Variants in FOXN3 observed in about 807,000 individuals in gnomAD.
FOXN3 encodes forkhead box protein N3.
In FOXN3, 7 loss-of-function variants were observed where a neutral mutation model predicts 38.4. The ratio of observed to expected loss-of-function variants is 0.18; its 90% CI spans 0.10 to 0.34. The LOEUF (loss-of-function observed/expected upper bound fraction) is 0.34. Among genes scored for constraint, FOXN3 ranks in the 10% least tolerant of loss-of-function variants. FOXN3 has a pLI of 1.00. For synonymous variants in FOXN3, 230 were observed against 242.2 expected (o/e 0.95, Z 0.47); for missense variants, 456 against 613.4 (o/e 0.74, Z 2.71).
At chr14:89,549,309 T>C (rs1894952582) in intron 1 of FOXN3, among the ~76,000 whole-genome samples, 1 of 150,478 alleles carries the variant, frequency 6.6e-6, no homozygotes, top group African/African-American at 2.4e-5. Flanking sequence ...TCTTTTGAAA[T>C]GTTAACTAAT....
chr14:89,458,243 G>A (rs1175062193), intron 1 of FOXN3, among the ~76,000 whole-genome samples: 1 of 152,172 alleles, frequency 6.6e-6, no homozygotes, highest in African/African-American at 2.4e-5. Context: ...GTAGTTTTCA[G>A]TGTCTCTTGT....
chr14:89,448,595 T>C lies in FOXN3; in HGVS notation c.-14-36105A>G, dbSNP rs539134968. Among the ~76,000 whole-genome samples the C allele has an allele frequency of 2.6e-5, 4 of 152,258 alleles. No individual in the cohort carries two copies. In the South Asian group the frequency reaches 8.3e-4, roughly 32 times the overall value. Reference sequence around the variant, plus strand: ...CTGGGAAATCACTGATTTTTCACAATGACCCTGTCTGACAGGGCAAAAGAT... The same window carrying C: ...CTGGGAAATCACTGATTTTTCACAACGACCCTGTCTGACAGGGCAAAAGAT... On this transcript the variant is annotated intron_variant, in intron 1 of 6. Transcript: ENST00000345097.
intron 1 of FOXN3, among the ~76,000 whole-genome samples, chr14:89,415,871 CA>C (rs1891693207): frequency 6.6e-6 from 1 of 151,528 alleles, no homozygotes; most frequent in Non-Finnish European, 1.5e-5. Flanking sequence ...CACACACACA[CA>C]CACACACACA....
At chr14:89,308,559 C>G (rs1299206763) in intron 3 of FOXN3, among the ~76,000 whole-genome samples, 1 of 152,152 alleles carries the variant, frequency 6.6e-6, no homozygotes, top group Non-Finnish European at 1.5e-5. Context: ...TCCTGGCCCA[C>G]ACTGTCCTTA....
intron 1 of FOXN3, among the ~76,000 whole-genome samples, chr14:89,552,793 A>G (rs898291720): frequency 6.6e-6 from 1 of 152,056 alleles, no homozygotes; most frequent in Non-Finnish European, 1.5e-5. Context: ...CAGGAGACGG[A>G]GGTCACACTG....
intron 1 of FOXN3, among the ~76,000 whole-genome samples, chr14:89,585,014 C>T (rs1161050820): frequency 6.6e-6 from 1 of 152,226 alleles, no homozygotes; most frequent in Non-Finnish European, 1.5e-5. Context: ...CCGTGCCCGG[C>T]AAGTGTCTCT....
intron 2 of FOXN3, among the ~76,000 whole-genome samples, chr14:89,367,268 C>T (rs1016496063): frequency 7.9e-5 from 12 of 152,168 alleles, no homozygotes; most frequent in African/African-American, 2.7e-4. Context: ...GGAGACACTG[C>T]CTCTACAGTG....
chr14:89,185,187 T>TGAGGA (rs1566923677), intron 4 of FOXN3, among the ~76,000 whole-genome samples: 3 of 152,142 alleles, frequency 2.0e-5, no homozygotes, highest in South Asian at 2.1e-4. Context: ...TTGGCAGTCT[T>TGAGGA]CTCCATGGAG....
At chr14:89,297,194 C>T (rs895093544) in intron 3 of FOXN3, among the ~76,000 whole-genome samples, 2 of 152,124 alleles carry the variant, frequency 1.3e-5, no homozygotes, top group East Asian at 1.9e-4. Context: ...ACTAATGCCA[C>T]GGAGGCGGCG....
At chr14:89,210,829 A>T (rs574979695) in intron 4 of FOXN3, among the ~76,000 whole-genome samples, 2 of 152,334 alleles carry the variant, frequency 1.3e-5, no homozygotes, top group Non-Finnish European at 2.9e-5. Context: ...GAAACACTCC[A>T]TCGACAGGGT....
At position 89,203,376 on chromosome 14, in the gene FOXN3, G is replaced by A. The variant is rs569752218; in HGVS notation, c.746-22570C>T. Among the ~76,000 whole-genome samples, 54 of 152,322 alleles carry A rather than the reference G, an allele frequency of 3.5e-4. 1 individual carries two copies. The highest frequency in any genetic ancestry group is 8.7e-4 in the African/African-American group (36 of 41,572). The stretch of plus-strand genomic sequence containing the variant: ...GGACTTCCAAATCAAAGTCTAGGGC[G>A]TTCTTCAGAGAGAGGCTCTGGATAT... On this transcript the variant is annotated intron_variant, in intron 4 of 5. Transcript: ENST00000557258.
At chr14:89,249,746 G>T (rs1885399837) in intron 4 of FOXN3, among the ~76,000 whole-genome samples, 2 of 152,158 alleles carry the variant, frequency 1.3e-5, no homozygotes, top group Admixed American at 1.3e-4. Flanking sequence ...TGGTGTATAG[G>T]ACTACAACAG....
At chr14:89,597,432 C>G (rs1896079224) in intron 1 of FOXN3, among the ~76,000 whole-genome samples, 1 of 152,130 alleles carries the variant, frequency 6.6e-6, no homozygotes, top group Non-Finnish European at 1.5e-5. Context: ...GGAATATCTA[C>G]TCTGTATTTG....
chr14:89,450,822 T>C (rs970982666), intron 1 of FOXN3, among the ~76,000 whole-genome samples: 1 of 152,154 alleles, frequency 6.6e-6, no homozygotes, highest in African/African-American at 2.4e-5. Context: ...CCTGATCTGG[T>C]GATCCGCCCA....
intron 1 of FOXN3, among the ~76,000 whole-genome samples, 170 bp downstream of exon 1, chr14:89,416,701 C>G (rs1412585713): frequency 6.6e-6 from 1 of 152,158 alleles, no homozygotes; most frequent in African/African-American, 2.4e-5. Context: ...CGGCAACTTC[C>G]CGGCTCGGGG....
At chr14:89,604,274 G>C (rs1023259148) in intron 1 of FOXN3, among the ~76,000 whole-genome samples, 23 of 149,826 alleles carry the variant, frequency 1.5e-4, no homozygotes, top group African/African-American at 2.9e-4. Context: ...CACACACACA[G>C]AGAGAGAGAG....
chr14:89,480,867 G>A (rs900158052), intron 1 of FOXN3, among the ~76,000 whole-genome samples: 5 of 152,066 alleles, frequency 3.3e-5, no homozygotes, highest in East Asian at 3.9e-4. Flanking sequence ...GAAACCATAT[G>A]TATAATTTTA....
intron 5 of FOXN3, among the ~76,000 whole-genome samples, chr14:89,168,234 ATG>A (rs1887293046): frequency 6.6e-6 from 1 of 152,280 alleles, no homozygotes; most frequent in Non-Finnish European, 1.5e-5. Flanking sequence ...TAAAGTTAGT[ATG>A]TTTAAATAAA....
intron 1 of FOXN3, among the ~76,000 whole-genome samples, chr14:89,474,878 C>T (rs1893179531): frequency 6.6e-6 from 1 of 152,212 alleles, no homozygotes; most frequent in South Asian, 2.1e-4. Flanking sequence ...TGCAGTGGCA[C>T]AATCTCAGCT....
Sources: allele counts gnomAD v4.1 joint callset (sites outside exome capture counted in the v4.1 genomes callset), GRCh38; gene constraint gnomAD v4.1.1; transcripts MANE v1.5; gene names NCBI Gene and HGNC (gene_info 2026-07-23, HGNC 2026-07-21).